The following ADAMTSL1 variants were observed in gnomAD, a reference collection of about 807,000 sequenced individuals.
The protein encoded by ADAMTSL1 is ADAMTS like 1.
A neutral mutation model predicts 201.8 loss-of-function variants in ADAMTSL1; 126 were observed. That is an observed-to-expected ratio of 0.62 (90% CI 0.54 to 0.72). The LOEUF is 0.72. ADAMTSL1 is among the 30% of genes least tolerant of loss of function. ADAMTSL1 has a pLI of 0.00. For missense variants in ADAMTSL1, 2,679 were observed against 2,277.8 expected, an observed-to-expected ratio of 1.18 and a Z score of -3.59; for synonymous variants, 1,121 against 903.4, an observed-to-expected ratio of 1.24 and a Z score of -4.32.
At chr9:18,335,337 A>G (rs1054125418) in intron 2 of ADAMTSL1, among the ~76,000 whole-genome samples, 2 of 151,968 alleles carry the variant, frequency 1.3e-5, no homozygotes, top group African/African-American at 4.8e-5. Flanking sequence ...ATTTATTTTT[A>G]CTTTTGTAGA....
At chr9:17,907,604 C>T (rs1447573372) in intron 1 of ADAMTSL1, among the ~76,000 whole-genome samples, 1 of 152,118 alleles carries the variant, frequency 6.6e-6, no homozygotes, top group Non-Finnish European at 1.5e-5. Context: ...GAACTGGGGA[C>T]TTCTCCAGGG....
intron 1 of ADAMTSL1, among the ~76,000 whole-genome samples, chr9:18,127,844 C>G (rs1342823435): frequency 6.6e-6 from 1 of 152,130 alleles, no homozygotes; most frequent in Non-Finnish European, 1.5e-5. Context: ...ATCATCATTT[C>G]CATTTTGTTT....
At chr9:18,649,209 T>C (rs1428381276) in intron 7 of ADAMTSL1, among the ~76,000 whole-genome samples, 4 of 152,258 alleles carry the variant, frequency 2.6e-5, no homozygotes, top group Non-Finnish European at 5.9e-5. Flanking sequence ...ATTCTCCACG[T>C]AGTTCTCGCG....
intron 8 of ADAMTSL1, among the ~76,000 whole-genome samples, chr9:18,660,004 A>G (rs1828971364): frequency 6.6e-6 from 1 of 152,176 alleles, no homozygotes; most frequent in African/African-American, 2.4e-5. Flanking sequence ...GTGTGATGTC[A>G]GCAACCTTGA....
chr9:18,302,300 G>C (rs1457439912), intron 2 of ADAMTSL1, among the ~76,000 whole-genome samples: 1 of 152,054 alleles, frequency 6.6e-6, no homozygotes, highest in African/African-American at 2.4e-5. Flanking sequence ...TTTCCTAGAG[G>C]ATACTCTCTG....
intron 2 of ADAMTSL1, among the ~76,000 whole-genome samples, chr9:18,432,944 T>G (rs564089276): frequency 1.3e-5 from 2 of 152,182 alleles, no homozygotes; most frequent in South Asian, 2.1e-4. Context: ...CAGGAAACTA[T>G]GTAGAGGTTT....
rs368703459 is a variant in ADAMTSL1 at position 17,970,241 on chromosome 9, C to T, written c.87+63319C>T. ...ACAACAAATGGGAGTATCTTAACCT[C>T]TTCCTGCAAGGACCCATTGTATCTT... On this transcript the variant is annotated intron_variant, in intron 1 of 29. Coordinates refer to the ADAMTSL1 transcript ENST00000680146. Among the ~76,000 whole-genome samples, 14 of 152,160 alleles carry T rather than the reference C, an allele frequency of 9.2e-5. No homozygotes were observed. In the East Asian group the frequency reaches 1.2e-3, roughly 13 times the overall value.
At chr9:18,059,441 G>A (rs1822351984) in intron 1 of ADAMTSL1, among the ~76,000 whole-genome samples, 1 of 152,134 alleles carries the variant, frequency 6.6e-6, no homozygotes, top group Non-Finnish European at 1.5e-5. Flanking sequence ...TAATGTGGTG[G>A]GGAAAATGGT....
intron 7 of ADAMTSL1, among the ~76,000 whole-genome samples, chr9:18,642,595 A>G (rs1466310830): frequency 1.3e-5 from 2 of 151,024 alleles, no homozygotes; most frequent in Non-Finnish European, 3.0e-5. Context: ...TTCCACCCCA[A>G]CCCCCTGGTA....
intron 2 of ADAMTSL1, among the ~76,000 whole-genome samples, chr9:18,450,750 A>T (rs1820372948): frequency 6.6e-6 from 1 of 152,170 alleles, no homozygotes; most frequent in Non-Finnish European, 1.5e-5. Flanking sequence ...GTGATTCATT[A>T]TTTGACAATA....
rs189725756 is a variant in ADAMTSL1 at position 18,696,331 on chromosome 9, A to C, written c.1575-10416A>C. ...CCCATGCCAGAATCTTGAGTCAGGA[A>C]AGCATTGACCACATTGAAGGAAGTA... On this transcript the variant is annotated intron_variant, in intron 13 of 28. Transcript: ENST00000380548. Among the ~76,000 whole-genome samples the C allele has an allele frequency of 6.6e-5, 10 of 152,338 alleles. No homozygotes were observed. In the East Asian group the frequency reaches 1.7e-3, roughly 26 times the overall value.
Position 18,908,590 on chromosome 9 carries a change from G to A in ADAMTSL1, c.*42G>A, listed in dbSNP as rs1384047283. The A allele has an allele frequency of 2.0e-6, 3 of 1,479,654 alleles. No homozygotes were observed. Among genetic ancestry groups the A allele is most frequent in the Non-Finnish European group, 2.8e-6 (3 of 1,085,496 alleles). 91.7% of individuals were successfully genotyped at this position (1,479,654 alleles called of 1,614,324 possible). A position where few individuals can be genotyped will look rare whatever the true frequency, so the allele number is the denominator to read the frequency against. ...AAAACTCTACCCTGGCCACACGAAG[G>A]ACTCACGCAACCACCTCGGACAGAA... On this transcript the variant is annotated 3_prime_UTR_variant, in exon 29 of 29. Coordinates refer to ENST00000380548, the MANE Select transcript of ADAMTSL1 (RefSeq NM_001040272.6).
At position 18,440,602 on chromosome 9, in the gene ADAMTSL1, AAT is replaced by A. The variant is rs572407448; in HGVS notation, c.208-64216_208-64215del. On this transcript the variant is annotated intron_variant, in intron 2 of 29. Transcript: ENST00000680146. Reference sequence around the variant, plus strand: ...AAACACTAGACTTTATCAGATGTATAATATATATATATTATATATATCTTTAA... The same window carrying A: ...AAACACTAGACTTTATCAGATGTATAATATATATATTATATATATCTTTAA... Among the ~76,000 whole-genome samples the A allele has an allele frequency of 3.8e-3, 575 of 150,534 alleles. 3 individuals carry two copies. The highest frequency in any genetic ancestry group is 3.4e-3 in the Middle Eastern group (1 of 292).
intron 1 of ADAMTSL1, among the ~76,000 whole-genome samples, chr9:18,109,222 A>G (rs553471653): frequency 2.0e-5 from 3 of 152,046 alleles, no homozygotes; most frequent in African/African-American, 7.2e-5. Flanking sequence ...GGCCATTCCT[A>G]TGTGTTACAC....
intron 2 of ADAMTSL1, among the ~76,000 whole-genome samples, chr9:18,399,603 G>A (rs1258068665): frequency 6.6e-6 from 1 of 151,478 alleles, no homozygotes; most frequent in Admixed American, 6.6e-5. Flanking sequence ...TACCCGCCTC[G>A]GCCTCTGAAA....
At chr9:17,963,449 A>G in intron 1 of ADAMTSL1, among the ~76,000 whole-genome samples, 1 of 152,184 alleles carries the variant, frequency 6.6e-6, no homozygotes, top group East Asian at 1.9e-4. Flanking sequence ...AAAGAAAACA[A>G]TTGTTAAAGT....
At chr9:18,174,284 T>A (rs1460713137) in intron 2 of ADAMTSL1, among the ~76,000 whole-genome samples, 1 of 152,168 alleles carries the variant, frequency 6.6e-6, no homozygotes, top group Non-Finnish European at 1.5e-5. Context: ...TTTAAATGCC[T>A]ATCCTAAATA....
At chr9:18,719,858 G>A (rs937889456) in intron 14 of ADAMTSL1, among the ~76,000 whole-genome samples, 1 of 152,168 alleles carries the variant, frequency 6.6e-6, no homozygotes, top group Non-Finnish European at 1.5e-5. Flanking sequence ...CGTGGGAGGA[G>A]AGCAGCATGG....
At chr9:18,597,611 C>G (rs1322812299) in intron 4 of ADAMTSL1, among the ~76,000 whole-genome samples, 3 of 151,920 alleles carry the variant, frequency 2.0e-5, no homozygotes, top group African/African-American at 4.8e-5. Flanking sequence ...TATGACACTT[C>G]ATGTAATTGT....
Sources: allele counts gnomAD v4.1 joint callset (sites outside exome capture counted in the v4.1 genomes callset), GRCh38; gene constraint gnomAD v4.1.1; transcripts MANE v1.5; gene names NCBI Gene and HGNC (gene_info 2026-07-23, HGNC 2026-07-21).